NHS: variants seen among roughly 807,000 people sequenced by gnomAD.
NHS encodes actin remodeling regulator NHS.
In NHS, 5 loss-of-function variants were observed where a neutral mutation model predicts 72.5. That is an observed-to-expected ratio of 0.07 (90% confidence interval 0.04 to 0.14). The LOEUF (loss-of-function observed/expected upper bound fraction) is 0.14, where lower values mean the gene tolerates loss of function less well. Among genes scored for constraint, NHS ranks in the 10% least tolerant of loss-of-function variants. The pLI is 1.00. For missense variants in NHS, 1,072 were observed against 1,355.7 expected (o/e 0.79, Z 3.29); for synonymous variants, 464 against 547.7 (o/e 0.85, Z 2.13).
chrX:17,636,116 G>A (rs1300026693), intron 1 of NHS, among the ~76,000 whole-genome samples: 1 of 111,795 alleles, frequency 8.9e-6, no homozygotes, highest in Non-Finnish European at 1.9e-5. Flanking sequence ...CAGTCTTCTT[G>A]GAATTCTTCA....
At chrX:17,557,326 G>GATATATATATATATAT (rs61711287) in intron 1 of NHS, 96 of 96,093 alleles carry the variant, frequency 1.0e-3, no homozygotes, top group African/African-American at 3.5e-3. Context: ...GAGATTCTGT[G>GATATATATATATATAT]ATATATATAT....
intron 1 of NHS, among the ~76,000 whole-genome samples, chrX:17,451,456 A>T (rs2059281402): frequency 8.9e-6 from 1 of 112,729 alleles, no homozygotes; most frequent in African/African-American, 3.2e-5. Flanking sequence ...AATGCGTGTC[A>T]TGCACCAATT....
intron 1 of NHS, among the ~76,000 whole-genome samples, chrX:17,556,973 G>GATAT (rs60343051): frequency 4.2e-4 from 45 of 106,130 alleles, no homozygotes; most frequent in South Asian, 1.6e-3. Context: ...TTAAAACATG[G>GATAT]ATATATATAT....
intron 1 of NHS, chrX:17,687,060 A>C (rs2066166527): frequency 8.9e-6 from 1 of 112,807 alleles, no homozygotes; most frequent in South Asian, 3.7e-4. Flanking sequence ...GATGAGTTGC[A>C]AAAACTCATC....
At chrX:17,677,901 A>G (rs2066093768) in intron 1 of NHS, among the ~76,000 whole-genome samples, 2 of 111,664 alleles carry the variant, frequency 1.8e-5, no homozygotes, top group Admixed American at 1.9e-4. Context: ...TCCACCTCCC[A>G]GGCTCAAGAG....
intron 1 of NHS, among the ~76,000 whole-genome samples, chrX:17,561,568 GCGCGCGCACACACA>G (rs1220530279): frequency 3.0e-5 from 2 of 65,599 alleles, no homozygotes; most frequent in African/African-American, 7.2e-5. Flanking sequence ...GCGCGCGCGC[GCGCGCGCACACACA>G]CACACACACA....
At chrX:17,431,822 C>T (rs1405213876) in intron 1 of NHS, among the ~76,000 whole-genome samples, 1 of 111,841 alleles carries the variant, frequency 8.9e-6, no homozygotes, top group African/African-American at 3.3e-5. Flanking sequence ...TTCCATGACG[C>T]AAGCAGAGCC....
At chrX:17,571,624 G>A (rs1457940105) in intron 1 of NHS, among the ~76,000 whole-genome samples, 2 of 111,714 alleles carry the variant, frequency 1.8e-5, no homozygotes, top group Admixed American at 9.5e-5. Flanking sequence ...CCAGCTCCTG[G>A]ATTCATTGAT....
At chrX:17,509,023 T>C (rs1289683202) in intron 1 of NHS, among the ~76,000 whole-genome samples, 1 of 110,825 alleles carries the variant, frequency 9.0e-6, no homozygotes, top group Admixed American at 9.6e-5. Flanking sequence ...TACAGCACTG[T>C]CCCTGGAATC....
Position 17,483,837 on chromosome X carries a change from G to A in NHS, c.565+107515G>A, listed in dbSNP as rs761963464. ...TAAGAGATGCCCAGGGACTTTTAAA[G>A]GAACGTAGTAAAGGCACTCTTTCCT... On this transcript the variant is annotated intron_variant, in intron 1 of 8. Coordinates refer to ENST00000676302, the MANE Select transcript of NHS (RefSeq NM_001291867.2). Among the ~76,000 whole-genome samples, 155 of 110,219 alleles carry A rather than the reference G, an allele frequency of 1.4e-3. 1 individual carries two copies. Among genetic ancestry groups the A allele is most frequent in the Non-Finnish European group, 2.0e-3 (103 of 52,799 alleles).
In NHS at chrX:17,735,593, A is replaced by C; in HGVS notation, c.*3129A>C. 1 of 112,508 alleles carries C rather than the reference A, an allele frequency of 8.9e-6. No homozygotes were observed. The highest frequency in any genetic ancestry group is 4.2e-3 in the Middle Eastern group (1 of 236). The allele number at this position is 112,508 out of a possible 1,213,427, so 9.3% of individuals were successfully genotyped here. The stretch of plus-strand genomic sequence containing the variant: ...TTGCCAAAGGTCAGTGAGTGAGTGC[A>C]TTTGCTGCAGTGGTGGCACGTAGAG... On this transcript the variant is annotated 3_prime_UTR_variant, in exon 9 of 9. Coordinates refer to ENST00000676302, the MANE Select transcript of NHS (RefSeq NM_001291867.2).
chrX:17,731,769 G>A, intron 8 of NHS, 89 bp from the exon 9 acceptor site: 1 of 1,108,139 alleles, frequency 9.0e-7, no homozygotes, highest in Non-Finnish European at 1.2e-6. Flanking sequence ...ATGCACTTTA[G>A]ACAGATGTGT....
intron 1 of NHS, among the ~76,000 whole-genome samples, chrX:17,567,612 A>G (rs2065451406): frequency 9.0e-6 from 1 of 111,275 alleles, no homozygotes; most frequent in East Asian, 2.8e-4. Flanking sequence ...TATGCCCCTG[A>G]GCCCCAGGGA....
At chrX:17,393,070 C>G (rs1485897953) in intron 1 of NHS, among the ~76,000 whole-genome samples, 1 of 111,762 alleles carries the variant, frequency 8.9e-6, no homozygotes, top group East Asian at 2.8e-4. Flanking sequence ...TATGAGTATA[C>G]CATGGTATGG....
chrX:17,718,908 GGAAAGGAAGGAA>G (rs1480883369), intron 3 of NHS, among the ~76,000 whole-genome samples: 49 of 81,901 alleles, frequency 6.0e-4, no homozygotes, highest in African/African-American at 2.3e-3. Flanking sequence ...AGAAGGAAGA[GGAAAGGAAGGAA>G]GAAAGGAAGG....
intron 1 of NHS, among the ~76,000 whole-genome samples, chrX:17,418,882 G>A (rs1207838970): frequency 8.9e-6 from 1 of 111,957 alleles, no homozygotes; most frequent in African/African-American, 3.2e-5. Context: ...AGCTCTAACA[G>A]CAAAGAGCAA....
At chrX:17,518,797 T>A (rs1264797149) in intron 1 of NHS, among the ~76,000 whole-genome samples, 1 of 111,882 alleles carries the variant, frequency 8.9e-6, no homozygotes, top group Non-Finnish European at 1.9e-5. Context: ...CTCTCTGAGA[T>A]TCTGATATAG....
At chrX:17,509,166 A>G (rs1417881519) in intron 1 of NHS, among the ~76,000 whole-genome samples, 1 of 111,071 alleles carries the variant, frequency 9.0e-6, no homozygotes, top group Non-Finnish European at 1.9e-5. Flanking sequence ...GTTGGGAGGC[A>G]TTCTTCTTTA....
chrX:17,678,033 C>T (rs923075419), intron 1 of NHS, among the ~76,000 whole-genome samples: 2 of 111,286 alleles, frequency 1.8e-5, no homozygotes, highest in African/African-American at 6.6e-5. Context: ...CTGTGTTGCC[C>T]AAGCTGGTCT....
Sources: gnomAD v4.1 joint callset for allele counts (sites outside exome capture counted in the v4.1 genomes callset) on GRCh38, gnomAD v4.1.1 for gene constraint, MANE v1.5 for transcripts, NCBI Gene and HGNC (gene_info 2026-07-23, HGNC 2026-07-21) for gene names.